PLS3: variants seen among roughly 807,000 people sequenced by gnomAD.
The protein encoded by PLS3 is plastin-3.
A neutral mutation model predicts 46.5 loss-of-function variants in PLS3; 11 were observed. The observed-to-expected ratio is 0.24, with a 90% CI of 0.15 to 0.39. PLS3 has a LOEUF of 0.39. PLS3 is among the 10% of genes least tolerant of loss of function. The probability of loss-of-function intolerance (pLI) is 1.00; values close to 1 mark genes in which losing one functional copy is unlikely to be tolerated. For missense variants in PLS3, 308 were observed against 461.8 expected, an observed-to-expected ratio of 0.67 and a Z score of 3.05; for synonymous variants, 167 against 162.2, an observed-to-expected ratio of 1.03 and a Z score of -0.22.
At chrX:115,602,085 C>A (rs1360331109) in intron 1 of PLS3, among the ~76,000 whole-genome samples, 2 of 111,509 alleles carry the variant, frequency 1.8e-5, no homozygotes, top group Non-Finnish European at 3.8e-5. Flanking sequence ...ATCCTACTTG[C>A]ACTCAAAGAC....
chrX:115,622,160 G>T, intron 2 of PLS3, 86 bp from the exon 3 acceptor site: 1 of 733,637 alleles, frequency 1.4e-6, no homozygotes, highest in Non-Finnish European at 2.1e-6. Context: ...GTGAGCTTAT[G>T]AACTGAACCT....
intron 1 of PLS3, among the ~76,000 whole-genome samples, chrX:115,577,853 GA>G (rs1201362750): frequency 9.2e-6 from 1 of 108,771 alleles, no homozygotes; most frequent in African/African-American, 3.3e-5. Flanking sequence ...TCCTTGCCTA[GA>G]AAAAAAAATG....
chrX:115,619,326 T>C (rs2074626615), intron 2 of PLS3, among the ~76,000 whole-genome samples: 1 of 112,379 alleles, frequency 8.9e-6, no homozygotes, highest in Admixed American at 9.4e-5. Flanking sequence ...GTATGCTGTG[T>C]TTCTTTCACT....
intron 8 of PLS3, among the ~76,000 whole-genome samples, chrX:115,637,926 A>T (rs1556640515): frequency 9.0e-6 from 1 of 111,194 alleles, no homozygotes; most frequent in Admixed American, 9.6e-5. Flanking sequence ...ATTACACAAT[A>T]TGTTTGGCCA....
At chrX:115,601,304 G>T (rs151182710) in intron 1 of PLS3, among the ~76,000 whole-genome samples, 1,169 of 110,145 alleles carry the variant, frequency 0.011, 15 homozygotes, top group African/African-American at 0.036. Context: ...AAAGCTAGAA[G>T]TCAAGTCAGA....
intron 1 of PLS3, among the ~76,000 whole-genome samples, chrX:115,565,862 C>T (rs890867419): frequency 5.4e-5 from 6 of 112,062 alleles, no homozygotes. Flanking sequence ...AGAAACCTTA[C>T]ATTTTCTTAA....
rs1161949248 is a variant in PLS3, at chrX:115,650,761, A to C, written c.*1200A>C. The stretch of plus-strand genomic sequence containing the variant: ...TTTTTGTTTTTCTGATGTATTCTGT[A>C]AAATGGTGTTTGTTAAATTTGAGTT... On this transcript the variant is annotated 3_prime_UTR_variant, in exon 16 of 16. Transcript: ENST00000355899. The C allele has an allele frequency of 8.9e-6, 1 of 112,077 alleles. No homozygotes were observed. Among genetic ancestry groups the C allele is most frequent in the Non-Finnish European group, 1.9e-5 (1 of 53,216 alleles). 9.2% of individuals were successfully genotyped at this position (112,077 alleles called of 1,213,427 possible). A position where few individuals can be genotyped will look rare whatever the true frequency, so the allele number is the denominator to read the frequency against.
chrX:115,634,115 A>T, intron 6 of PLS3, 34 bp downstream of exon 6: 1 of 858,827 alleles, frequency 1.2e-6, no homozygotes, highest in Non-Finnish European at 1.7e-6. Context: ...TTAACATGAA[A>T]TTACTGTTTG....
intron 1 of PLS3, among the ~76,000 whole-genome samples, chrX:115,592,719 T>A (rs1452969301): frequency 1.8e-5 from 2 of 111,750 alleles, no homozygotes; most frequent in Admixed American, 9.5e-5. Context: ...TGATCTAAAT[T>A]TATGACACAT....
At chrX:115,575,395 A>G (rs1398302933) in intron 1 of PLS3, among the ~76,000 whole-genome samples, 1 of 111,808 alleles carries the variant, frequency 8.9e-6, no homozygotes, top group African/African-American at 3.3e-5. Flanking sequence ...CTCTTAATAT[A>G]AATCCTTGCT....
intron 1 of PLS3, among the ~76,000 whole-genome samples, chrX:115,569,611 A>G (rs1215838239): frequency 8.9e-6 from 1 of 111,953 alleles, no homozygotes; most frequent in African/African-American, 3.2e-5. Context: ...TGCTTAAATT[A>G]CAAGCACTTG....
At chrX:115,585,991 A>G (rs1375206668) in intron 1 of PLS3, among the ~76,000 whole-genome samples, 2 of 107,254 alleles carry the variant, frequency 1.9e-5, no homozygotes, top group East Asian at 2.9e-4. Context: ...AGAAAAATCT[A>G]ATTTTTTTTT....
chrX:115,607,750 G>A (rs1461247922), intron 1 of PLS3, among the ~76,000 whole-genome samples: 31 of 111,990 alleles, frequency 2.8e-4, no homozygotes, highest in South Asian at 3.7e-4. Context: ...CAATCCACCC[G>A]CCTCCACCTC....
At chrX:115,634,648 A>G (rs1016164103) in intron 6 of PLS3, among the ~76,000 whole-genome samples, 1 of 112,283 alleles carries the variant, frequency 8.9e-6, no homozygotes, top group Non-Finnish European at 1.9e-5. Flanking sequence ...TAAAAATACA[A>G]AGTTAACTTC....
chrX:115,645,205 A>G, intron 11 of PLS3, 106 bp downstream of exon 11: 2 of 539,469 alleles, frequency 3.7e-6, no homozygotes, highest in Non-Finnish European at 3.1e-6. Context: ...GCTATTATTT[A>G]TATTGGAAAA....
chrX:115,596,570 C>T (rs2074391034), intron 1 of PLS3, among the ~76,000 whole-genome samples: 1 of 111,958 alleles, frequency 8.9e-6, no homozygotes, highest in Admixed American at 9.5e-5. Context: ...GGCACAGTGG[C>T]TCATGCCTGT....
intron 1 of PLS3, among the ~76,000 whole-genome samples, chrX:115,568,098 C>G (rs1242660147): frequency 9.0e-6 from 1 of 110,901 alleles, no homozygotes; most frequent in Non-Finnish European, 1.9e-5. Context: ...TTGAATGTTC[C>G]CATTTTTGCC....
At chrX:115,646,641 ATATGT>A (rs2074954779) in intron 13 of PLS3, 106 bp downstream of exon 13, 1 of 693,288 alleles carries the variant, frequency 1.4e-6, no homozygotes, top group East Asian at 3.4e-5. Context: ...CACTTTTGAA[ATATGT>A]TATATTTACA....
intron 1 of PLS3, among the ~76,000 whole-genome samples, chrX:115,591,174 A>T (rs988539124): frequency 8.9e-6 from 1 of 112,626 alleles, no homozygotes; most frequent in Non-Finnish European, 1.9e-5. Context: ...TTTATGTCCT[A>T]CCTAGCATTT....
Sources: gnomAD v4.1 joint callset for allele counts (sites outside exome capture counted in the v4.1 genomes callset) on GRCh38, gnomAD v4.1.1 for gene constraint, MANE v1.5 for transcripts, NCBI Gene and HGNC (gene_info 2026-07-23, HGNC 2026-07-21) for gene names.